The following SIPA1L2 variants were observed in gnomAD, a reference collection of about 807,000 sequenced individuals.
SIPA1L2 encodes signal-induced proliferation-associated 1-like protein 2.
SIPA1L2 carries 56 observed loss-of-function variants against 163.9 expected under a neutral mutation model. That is an observed-to-expected ratio of 0.34 (90% CI 0.28 to 0.43). The LOEUF (loss-of-function observed/expected upper bound fraction) is 0.43. SIPA1L2 is among the 20% of genes least tolerant of loss of function. SIPA1L2 has a pLI of 1.00. For missense variants in SIPA1L2, 1,974 were observed against 2,193.5 expected, an observed-to-expected ratio of 0.90 and a Z score of 2.00; for synonymous variants, 877 against 865.7, an observed-to-expected ratio of 1.01 and a Z score of -0.23.
At chr1:232,475,835 G>A (rs1466894926) in intron 7 of SIPA1L2, among the ~76,000 whole-genome samples, 1 of 152,140 alleles carries the variant, frequency 6.6e-6, no homozygotes, top group East Asian at 1.9e-4. Context: ...TCATAACAAA[G>A]TAAAGATGAT....
intron 2 of SIPA1L2, among the ~76,000 whole-genome samples, chr1:232,550,872 G>C (rs1485667825): frequency 6.6e-6 from 1 of 152,162 alleles, no homozygotes; most frequent in Non-Finnish European, 1.5e-5. Context: ...AGGGGGAAGA[G>C]CAACATGGAA....
Position 232,490,984 on chromosome 1 carries a change from G to A in SIPA1L2, c.1696C>T (p.Leu566Phe). The change falls in exon 5 of 23, where the codon CTC becomes TTC. Residue 566 changes from leucine (L) to phenylalanine (F), a missense_variant. Leu to Phe is a conservative substitution (Grantham distance 22). Around this residue, in one of 3 missense-constraint regions of SIPA1L2, gnomAD observed 288 missense variants for 418.9 expected, o/e 0.69. Coordinates refer to ENST00000674635, the MANE Select transcript of SIPA1L2 (RefSeq NM_020808.5). ...ARHGTARGLP[L>F]KEVLEYVIPE... is the part of the protein sequence containing the mutation. ...ATGACGTATTCCAAAACTTCTTTGA[G>A]AGGTAGTCCTCGTGCGGTACCATGC... 6.2e-7 allele frequency: 1 copy of A among 1,614,174 alleles called. No individual in the cohort carries two copies. Among genetic ancestry groups the A allele is most frequent in the Non-Finnish European group, 8.5e-7 (1 of 1,180,008 alleles).
chr1:232,542,151 T>G (rs971120082), intron 2 of SIPA1L2, among the ~76,000 whole-genome samples: 2 of 152,254 alleles, frequency 1.3e-5, no homozygotes, highest in African/African-American at 4.8e-5. Flanking sequence ...TCTACTTATG[T>G]AACCCTGGGA....
upstream of SIPA1L2, among the ~76,000 whole-genome samples, chr1:232,630,319 C>T (rs1385719547): frequency 1.3e-5 from 2 of 151,916 alleles, no homozygotes; most frequent in Non-Finnish European, 2.9e-5. Context: ...CCAGGCCCCG[C>T]GGCGCGCGGG....
intron 17 of SIPA1L2, among the ~76,000 whole-genome samples, chr1:232,426,680 T>C (rs1313439925): frequency 6.6e-6 from 1 of 152,146 alleles, no homozygotes; most frequent in African/African-American, 2.4e-5. Flanking sequence ...AAAGTATCAC[T>C]TGCCAAAGTC....
chr1:232,579,832 T>C (rs1558282799), intron 1 of SIPA1L2, among the ~76,000 whole-genome samples: 2 of 151,916 alleles, frequency 1.3e-5, no homozygotes, highest in Non-Finnish European at 2.9e-5. Context: ...CAAAAGAACT[T>C]AAAGAAATGG....
In SIPA1L2 at chr1:232,514,206, C is replaced by T; in HGVS notation, c.1134G>A (p.Glu378=). The T allele has an allele frequency of 6.2e-7, 1 of 1,614,234 alleles. No homozygotes were observed. The highest frequency in any genetic ancestry group is 8.5e-7 in the Non-Finnish European group (1 of 1,180,050). The change falls in exon 3 of 23, where the codon GAG becomes GAA. Residue 378 remains glutamate (E), a synonymous_variant. Transcript: ENST00000674635. ...QMPTGQTGNC[E]SPLGSKEDLN... is the part of the protein sequence containing the mutation. ...GGTCCTCCTTGCTCCCTAAAGGGGACTCACAGTTGCCTGTCTGGCCCGTAG... is the reference window on the plus strand; with the variant it reads ...GGTCCTCCTTGCTCCCTAAAGGGGATTCACAGTTGCCTGTCTGGCCCGTAG...
chr1:232,479,461 T>TTAAA (rs1448995454), intron 7 of SIPA1L2, among the ~76,000 whole-genome samples, 166 bp downstream of exon 7: 1 of 152,184 alleles, frequency 6.6e-6, no homozygotes, highest in Non-Finnish European at 1.5e-5. Flanking sequence ...AATACGCCCT[T>TTAAA]TAAAGCCCAA....
intron 1 of SIPA1L2, among the ~76,000 whole-genome samples, chr1:232,613,283 T>C (rs576630869): frequency 2.6e-5 from 4 of 152,346 alleles, no homozygotes; most frequent in East Asian, 1.9e-4. Context: ...TGAGCAGTAC[T>C]TTTTCAATGG....
intron 1 of SIPA1L2, among the ~76,000 whole-genome samples, chr1:232,611,331 T>C (rs1264124945): frequency 6.6e-6 from 1 of 152,154 alleles, no homozygotes; most frequent in Non-Finnish European, 1.5e-5. Context: ...AAAAGACACC[T>C]GAAAATGTGG....
At chr1:232,480,146 T>TGTGCGTGC (rs1180016610) in intron 6 of SIPA1L2, among the ~76,000 whole-genome samples, 1 of 124,250 alleles carries the variant, frequency 8.0e-6, no homozygotes, top group Admixed American at 8.6e-5. Flanking sequence ...CATCTGTGTG[T>TGTGCGTGC]GTGTGTGCGT....
intron 3 of SIPA1L2, among the ~76,000 whole-genome samples, chr1:232,512,092 C>T (rs555470808): frequency 5.3e-5 from 8 of 152,324 alleles, no homozygotes; most frequent in African/African-American, 1.9e-4. Context: ...CAAAAGAAGA[C>T]ATTTATGCGG....
At chr1:232,454,511 C>T (rs1428380020) in intron 10 of SIPA1L2, among the ~76,000 whole-genome samples, 1 of 152,198 alleles carries the variant, frequency 6.6e-6, no homozygotes, top group African/African-American at 2.4e-5. Flanking sequence ...TAACACTGCA[C>T]TGTAATACTT....
chr1:232,404,244 C>T (rs756422579), intron 19 of SIPA1L2, 66 bp from the exon 20 acceptor site: 3 of 1,482,084 alleles, frequency 2.0e-6, no homozygotes, highest in South Asian at 2.3e-5. Flanking sequence ...ATCTCGGGGG[C>T]CCACAAAATG....
At chr1:232,442,775 A>C (rs1344738389) in intron 12 of SIPA1L2, among the ~76,000 whole-genome samples, 1 of 152,212 alleles carries the variant, frequency 6.6e-6, no homozygotes, top group African/African-American at 2.4e-5. Context: ...AGCCAACATC[A>C]AAAAATCCTC....
intron 1 of SIPA1L2, among the ~76,000 whole-genome samples, chr1:232,612,057 G>A (rs1042248813): frequency 1.3e-5 from 2 of 152,182 alleles, no homozygotes; most frequent in Non-Finnish European, 2.9e-5. Flanking sequence ...TTGAGCTGGG[G>A]CCCTGGCTTC....
At chr1:232,520,571 G>A (rs1039339728) in intron 2 of SIPA1L2, among the ~76,000 whole-genome samples, 1 of 152,170 alleles carries the variant, frequency 6.6e-6, no homozygotes, top group East Asian at 1.9e-4. Flanking sequence ...CAGGAATGCA[G>A]CTGTAGCAAA....
At chr1:232,507,971 G>C (rs939463957) in intron 3 of SIPA1L2, among the ~76,000 whole-genome samples, 14 of 152,144 alleles carry the variant, frequency 9.2e-5, no homozygotes, top group Non-Finnish European at 2.1e-4. Context: ...TATAGCTGAT[G>C]AATTTGGGGA....
rs546424781 is a variant in SIPA1L2, at chr1:232,596,751, T to C, written c.-318-22529A>G. Among the ~76,000 whole-genome samples, 18 of 152,352 alleles carry C rather than the reference T, an allele frequency of 1.2e-4. No homozygotes were observed. In the South Asian group the frequency reaches 3.7e-3, roughly 32 times the overall value. On this transcript the variant is annotated intron_variant, in intron 1 of 22. Transcript: ENST00000674635. ...CAATCACTACAGGGAAGAAGAGTTTTTGAGAAGCCTGTTAGTGAGAAGTGC... is the reference window on the plus strand; with the variant it reads ...CAATCACTACAGGGAAGAAGAGTTTCTGAGAAGCCTGTTAGTGAGAAGTGC...
Sources: allele counts gnomAD v4.1 joint callset (sites outside exome capture counted in the v4.1 genomes callset), GRCh38; gene constraint gnomAD v4.1.1; regional missense constraint gnomAD v4.1.1; transcripts MANE v1.5; gene names NCBI Gene and HGNC (gene_info 2026-07-23, HGNC 2026-07-21).